INVS: variants seen among roughly 807,000 people sequenced by gnomAD.
The protein encoded by INVS is inversion of embryo turning homolog.
INVS carries 86 observed loss-of-function variants against 108.8 expected under a neutral mutation model. The ratio of observed to expected loss-of-function variants is 0.79; its 90% CI spans 0.66 to 0.95. The LOEUF is 0.95. Among genes scored for constraint, INVS ranks in the 40% least tolerant of loss-of-function variants. The probability of loss-of-function intolerance (pLI) is 0.00; values close to 1 mark genes in which losing one functional copy is unlikely to be tolerated. For missense variants in INVS, 1,169 were observed against 1,297.4 expected, an observed-to-expected ratio of 0.90 and a Z score of 1.52; for synonymous variants, 455 against 473.5, an observed-to-expected ratio of 0.96 and a Z score of 0.51.
At chr9:100,110,352 G>A (rs764958332) in intron 2 of INVS, among the ~76,000 whole-genome samples, 5 of 152,172 alleles carry the variant, frequency 3.3e-5, no homozygotes, top group Non-Finnish European at 7.4e-5. Context: ...TGTCTAAGAA[G>A]TATCAGAACT....
At chr9:100,212,110 T>G (rs541897674) in intron 3 of INVS, among the ~76,000 whole-genome samples, 20 of 152,328 alleles carry the variant, frequency 1.3e-4, no homozygotes, top group African/African-American at 4.6e-4. Context: ...TGTAACTGTT[T>G]GCTTCCCTAT....
chr9:100,279,263 A>G (rs1196114206), intron 12 of INVS, among the ~76,000 whole-genome samples: 1 of 152,206 alleles, frequency 6.6e-6, no homozygotes, highest in East Asian at 1.9e-4. Flanking sequence ...TGGGCACACA[A>G]AGGTTAGCCT....
At chr9:100,116,089 C>A (rs1827513531) in intron 2 of INVS, among the ~76,000 whole-genome samples, 1 of 141,374 alleles carries the variant, frequency 7.1e-6, no homozygotes, top group South Asian at 2.3e-4. Flanking sequence ...CTTTTAATTT[C>A]TTTTCTTTCT....
chr9:100,184,672 G>A (rs1020676517), intron 3 of INVS, among the ~76,000 whole-genome samples: 2 of 152,018 alleles, frequency 1.3e-5, no homozygotes, highest in African/African-American at 4.8e-5. Flanking sequence ...GACATATTTA[G>A]AATAATATGA....
intron 3 of INVS, among the ~76,000 whole-genome samples, chr9:100,225,783 A>G (rs1831297778): frequency 6.6e-6 from 1 of 152,236 alleles, no homozygotes; most frequent in Non-Finnish European, 1.5e-5. Flanking sequence ...TAGATATCTA[A>G]CAATAATAGA....
intron 5 of INVS, among the ~76,000 whole-genome samples, chr9:100,231,816 G>A (rs1406481029): frequency 6.6e-6 from 1 of 152,078 alleles, no homozygotes; most frequent in Non-Finnish European, 1.5e-5. Context: ...ATAAACATAT[G>A]TGTGCATGTG....
intron 15 of INVS, among the ~76,000 whole-genome samples, chr9:100,297,597 T>C (rs1430837380): frequency 6.6e-6 from 1 of 152,194 alleles, no homozygotes; most frequent in African/African-American, 2.4e-5. Context: ...CTATAGTAAA[T>C]ATTTGTTCAG....
chr9:100,280,862 A>G (rs557015187), intron 12 of INVS, among the ~76,000 whole-genome samples: 1 of 152,230 alleles, frequency 6.6e-6, no homozygotes, highest in South Asian at 2.1e-4. Flanking sequence ...CTGAGGTGGG[A>G]GGATCACTTG....
intron 5 of INVS, among the ~76,000 whole-genome samples, chr9:100,238,702 C>T (rs1831769324): frequency 6.6e-6 from 1 of 152,286 alleles, no homozygotes; most frequent in South Asian, 2.1e-4. Context: ...CTAAGTTTTT[C>T]TTCAAATAAG....
intron 1 of INVS, chr9:100,101,253 G>A (rs1826980831): frequency 1.3e-5 from 2 of 150,882 alleles, no homozygotes; most frequent in South Asian, 4.1e-4. Context: ...CTTGTTGAAT[G>A]AACGAATGTG....
intron 5 of INVS, among the ~76,000 whole-genome samples, chr9:100,237,670 G>A (rs147676895): frequency 2.2e-4 from 33 of 152,214 alleles, no homozygotes; most frequent in South Asian, 6.2e-4. Context: ...TCTGCTCACC[G>A]TCTGTGGGCT....
chr9:100,122,030 A>G (rs879273080), intron 2 of INVS, among the ~76,000 whole-genome samples: 4 of 152,154 alleles, frequency 2.6e-5, no homozygotes, highest in Admixed American at 2.6e-4. Flanking sequence ...CTGTCATCTG[A>G]TAATACACTT....
At chr9:100,131,854 G>A in intron 3 of INVS, 1 of 846,454 alleles carries the variant, frequency 1.2e-6, no homozygotes, top group Non-Finnish European at 1.4e-6. Flanking sequence ...TATGAAAATT[G>A]AATGTTTATT....
At chr9:100,265,018 C>G in intron 11 of INVS, 90 bp downstream of exon 11, 1 of 824,384 alleles carries the variant, frequency 1.2e-6, no homozygotes. Flanking sequence ...TCTTGGCTCA[C>G]TGCAACCTTC....
At chr9:100,202,625 C>T (rs1830565624) in intron 3 of INVS, among the ~76,000 whole-genome samples, 1 of 152,044 alleles carries the variant, frequency 6.6e-6, no homozygotes, top group East Asian at 1.9e-4. Context: ...TCGCTTTAAC[C>T]TTCCATGTCA....
chr9:100,240,180 T>G lies in INVS; in HGVS notation c.736T>G (p.Cys246Gly). ...VVDVLTSYESCNITSYDNLFR... is the reference protein window; with the variant it reads ...VVDVLTSYESGNITSYDNLFR... ...TGATGTCTTGACCTCATATGAAAGC[T>G]GCAATATAACGTCTTATGATAACTT... Residue 246 changes from cysteine (C) to glycine (G), a missense_variant, in exon 6 of 17, where the codon TGC becomes GGC. Physicochemically the swap from Cys to Gly is radical, Grantham distance 159. Around this residue, in one of 3 missense-constraint regions of INVS, gnomAD observed 365 missense variants for 397.5 expected, o/e 0.92. Coordinates refer to ENST00000262457, the MANE Select transcript of INVS (RefSeq NM_014425.5). 5 of 1,614,010 alleles carry G rather than the reference T, an allele frequency of 3.1e-6. No homozygotes were observed. Among genetic ancestry groups the G allele is most frequent in the Non-Finnish European group, 4.2e-6 (5 of 1,179,944 alleles).
At chr9:100,193,771 G>T (rs555041121) in intron 3 of INVS, among the ~76,000 whole-genome samples, 8 of 152,146 alleles carry the variant, frequency 5.3e-5, no homozygotes, top group Non-Finnish European at 1.0e-4. Context: ...ATATACCAAT[G>T]ATTTATATAT....
chr9:100,162,017 T>C (rs1485325750), intron 3 of INVS, among the ~76,000 whole-genome samples: 2 of 152,092 alleles, frequency 1.3e-5, no homozygotes, highest in Non-Finnish European at 2.9e-5. Flanking sequence ...ACACAGAAGA[T>C]AGAGCCTGGA....
rs573058819 is a variant in INVS at position 100,216,358 on chromosome 9, G to A, written c.274-9704G>A. On this transcript the variant is annotated intron_variant, in intron 3 of 16. Coordinates refer to ENST00000262457, the MANE Select transcript of INVS (RefSeq NM_014425.5). ...CTCAGTCTCCTGGAGCTGTCATTGA[G>A]GTTGGACAGCTACTGCCCCCTACTG... 3.9e-5 allele frequency among the ~76,000 whole-genome samples: 6 copies of A among 152,278 alleles called. No individual in the cohort carries two copies. The South Asian group carries it at 1.0e-3, about 26-fold the overall frequency.
Sources: gnomAD v4.1 joint callset for allele counts (sites outside exome capture counted in the v4.1 genomes callset) on GRCh38, gnomAD v4.1.1 for gene constraint, gnomAD v4.1.1 regional missense constraint, MANE v1.5 for transcripts, NCBI Gene and HGNC (gene_info 2026-07-23, HGNC 2026-07-21) for gene names.